The following ABHD17A variants were observed in gnomAD, a reference collection of about 807,000 sequenced individuals.
ABHD17A encodes abhydrolase domain containing 17A, depalmitoylase.
In ABHD17A, 10 loss-of-function variants were observed where a neutral mutation model predicts 26.8. That is an observed-to-expected ratio of 0.37 (90% CI 0.23 to 0.63). The LOEUF (loss-of-function observed/expected upper bound fraction) is 0.63, where lower values mean the gene tolerates loss of function less well. Among genes scored for constraint, ABHD17A ranks in the 30% least tolerant of loss-of-function variants. The pLI, the probability that ABHD17A is intolerant of heterozygous loss-of-function variation, is 0.61. For synonymous variants in ABHD17A, 167 were observed against 210.9 expected (o/e 0.79, Z 1.80); for missense variants, 292 against 457.3 (o/e 0.64, Z 3.30).
In ABHD17A at chr19:1,881,459, G is replaced by C. The variant is rs2012529289; in HGVS notation, c.108C>G (p.Ser36=). ...GCCCCGGCTCGGGCTCAGGCACCAG[G>C]GAGTAGGTGGCCTCCGGCGGCAGGA... The part of the protein sequence containing the change: ...LAFLPPEATY[S]LVPEPEPGPG... Residue 36 remains serine (S), a synonymous_variant, in exon 2 of 5, where the codon TCC becomes TCG. Transcript: ENST00000292577. The C allele has an allele frequency of 6.2e-7, 1 of 1,602,396 alleles. No individual in the cohort carries two copies. Among genetic ancestry groups the C allele is most frequent in the South Asian group, 1.1e-5 (1 of 90,698 alleles).
chr19:1,881,171 G>A (rs1189943601), intron 2 of ABHD17A, 64 bp downstream of exon 2: 44 of 1,596,232 alleles, frequency 2.8e-5, no homozygotes, highest in East Asian at 4.5e-5. Flanking sequence ...ACCAAGCACC[G>A]CAGGCAGAAA....
chr19:1,877,953 C>T, intron 3 of ABHD17A: 1 of 490,432 alleles, frequency 2.0e-6, no homozygotes, highest in Non-Finnish European at 3.6e-6. Context: ...GGGATCCTGC[C>T]TACGGAGTGC....
rs2012490433 is a variant in ABHD17A at position 1,880,415 on chromosome 19, C to T, written c.333-300G>A. Among the ~76,000 whole-genome samples, 1 of 152,186 alleles carries T rather than the reference C, an allele frequency of 6.6e-6. No homozygotes were observed. Among genetic ancestry groups the T allele is most frequent in the Admixed American group, 6.5e-5 (1 of 15,286 alleles). On this transcript the variant is annotated intron_variant, in intron 2 of 4. Transcript: ENST00000292577. This position sits in a 1 kb window ranked among gnomAD's most constrained non-coding sequence, Gnocchi z 4.1. ...CATCTGTGAAGCGGGACACTGGGAC[C>T]ATCGGTCGCATCCTCTCTCAGGGCA...
chr19:1,880,712 C>A lies in ABHD17A; in HGVS notation c.332+523G>T, dbSNP rs1238060859. Among the ~76,000 whole-genome samples the A allele has an allele frequency of 1.3e-5, 2 of 152,238 alleles. No individual in the cohort carries two copies. The highest frequency in any genetic ancestry group is 2.9e-5 in the Non-Finnish European group (2 of 68,040). ...CTCCTGGCCCACCACCCTGCCCAAG[C>A]CCCAAGGCTGTGCTGCAAGGCCTGT... On this transcript the variant is annotated intron_variant, in intron 2 of 4. Transcript: ENST00000292577. This position sits in a 1 kb window ranked among gnomAD's most constrained non-coding sequence, Gnocchi z 4.1.
At position 1,879,635 on chromosome 19, in the gene ABHD17A, C is replaced by G. The variant is rs2145390715; in HGVS notation, c.527+286G>C. 3.9e-6 allele frequency: 2 copies of G among 507,282 alleles called. No individual in the cohort carries two copies. Among genetic ancestry groups the G allele is most frequent in the South Asian group, 4.2e-5 (2 of 47,984 alleles). The allele number at this position is 507,282 out of a possible 1,614,324, so 31.4% of individuals were successfully genotyped here. Reference sequence around the variant, plus strand: ...TCCCTCCCGCCGGGTGGCATCCACACCCCTGTGACAAGCTCAGCCCCTTCC... The same window carrying G: ...TCCCTCCCGCCGGGTGGCATCCACAGCCCTGTGACAAGCTCAGCCCCTTCC... On this transcript the variant is annotated intron_variant, in intron 3 of 4. Transcript: ENST00000292577. This position sits in a 1 kb window ranked among gnomAD's most constrained non-coding sequence, Gnocchi z 7.6.
chr19:1,883,888 C>T (rs2012606784), intron 1 of ABHD17A: 1 of 152,874 alleles, frequency 6.5e-6, no homozygotes, highest in Non-Finnish European at 1.5e-5. Context: ...TCCCCACAGC[C>T]TGCCAGGTCC....
intron 1 of ABHD17A, among the ~76,000 whole-genome samples, 164 bp downstream of exon 1, chr19:1,885,188 C>T (rs1166088490): frequency 6.6e-6 from 1 of 152,130 alleles, no homozygotes; most frequent in Admixed American, 6.5e-5. Context: ...ATCACAGACG[C>T]TCATCCGCGG....
chr19:1,877,471 G>GCCCCGC (rs1342663851), intron 4 of ABHD17A, 37 bp downstream of exon 4: 4 of 1,575,122 alleles, frequency 2.5e-6, no homozygotes, highest in Non-Finnish European at 3.4e-6. Context: ...CCCGGCCCGG[G>GCCCCGC]CCCCGCCCCG....
intron 1 of ABHD17A, chr19:1,883,336 A>C (rs1342439019): frequency 1.3e-5 from 2 of 152,488 alleles, no homozygotes; most frequent in East Asian, 3.9e-4. Context: ...TGCAGTGCCC[A>C]GGACAGACCC....
chr19:1,876,877 T>C lies in ABHD17A; in HGVS notation c.*323A>G, dbSNP rs2012370237. 2 of 403,148 alleles carry C rather than the reference T, an allele frequency of 5.0e-6. No individual in the cohort carries two copies. The highest frequency in any genetic ancestry group is 9.1e-6 in the Non-Finnish European group (2 of 219,032). The allele number at this position is 403,148 out of a possible 1,614,324, so 25.0% of individuals were successfully genotyped here. A position where few individuals can be genotyped will look rare whatever the true frequency, so the allele number is the denominator to read the frequency against. On this transcript the variant is annotated 3_prime_UTR_variant, in exon 5 of 5. Coordinates refer to ENST00000292577, the MANE Select transcript of ABHD17A (RefSeq NM_001130111.2). ...TAAGGGGGTCCGTGCCGATCTCTCC[T>C]AGGGACTCAGGGACGAAACCTGGGA...
Position 1,881,824 on chromosome 19 carries a change from T to C in ABHD17A, c.-238-20A>G, listed in dbSNP as rs937984238. ...GAAGCCCTGCGGGGGAACAGTGACA[T>C]GTGGGGTCCTTTGGGGGTGCCACAG... is the stretch of plus-strand genomic sequence containing the variant. On this transcript the variant is annotated intron_variant, in intron 1 of 4. Transcript: ENST00000292577. 2.2e-6 allele frequency: 1 copy of C among 451,978 alleles called. No homozygotes were observed. The highest frequency in any genetic ancestry group is 3.8e-6 in the Non-Finnish European group (1 of 266,220). 28.0% of individuals were successfully genotyped at this position (451,978 alleles called of 1,614,324 possible). A position where few individuals can be genotyped will look rare whatever the true frequency, so the allele number is the denominator to read the frequency against.
rs764235356 is a variant in ABHD17A at position 1,880,026 on chromosome 19, T to C, written c.422A>G (p.Asn141Ser). 1.2e-6 allele frequency: 2 copies of C among 1,613,144 alleles called. No individual in the cohort carries two copies. Among genetic ancestry groups the C allele is most frequent in the Admixed American group, 1.7e-5 (1 of 60,012 alleles). The change falls in exon 3 of 5, where the codon AAC becomes AGC. Residue 141 changes from asparagine (N) to serine (S), a missense_variant. Physicochemically the swap from Asn to Ser is conservative, Grantham distance 46 (BLOSUM62 1). Around this residue, in one of 4 missense-constraint regions of ABHD17A, gnomAD observed 171 missense variants for 216.1 expected, o/e 0.79. Coordinates refer to ENST00000292577, the MANE Select transcript of ABHD17A (RefSeq NM_001130111.2). This position sits in a 1 kb window ranked among gnomAD's most constrained non-coding sequence, Gnocchi z 4.1. ...GCCGGAGTAGTCGTAGGAGAAGATGTTGCAGTGGAGGCGGGAGCCCAGGCC... is the reference window on the plus strand; with the variant it reads ...GCCGGAGTAGTCGTAGGAGAAGATGCTGCAGTGGAGGCGGGAGCCCAGGCC... ...YIGLGSRLHC[N>S]IFSYDYSGYG...
intron 1 of ABHD17A, among the ~76,000 whole-genome samples, chr19:1,884,801 T>G (rs551610096): frequency 6.6e-6 from 1 of 152,008 alleles, no homozygotes; most frequent in South Asian, 2.1e-4. Flanking sequence ...GAGTTTGCAC[T>G]TCATCCTGGG....
In ABHD17A at chr19:1,880,918, C is replaced by T. The variant is rs1315826171; in HGVS notation, c.332+317G>A. The T allele has an allele frequency of 8.1e-6, 13 of 1,612,948 alleles. No individual in the cohort carries two copies. The highest frequency in any genetic ancestry group is 1.3e-5 in the African/African-American group (1 of 74,926). ...CACCTGGCGAGAAGGTGGATGTACC[C>T]GCAGGCCAGGGCAGCCCCTGTGCCC... On this transcript the variant is annotated intron_variant, in intron 2 of 4. Transcript: ENST00000292577. This position sits in a 1 kb window ranked among gnomAD's most constrained non-coding sequence, Gnocchi z 4.1.
Position 1,877,429 on chromosome 19 carries a change from CG to C in ABHD17A, c.708-5del. On this transcript the variant is annotated splice_polypyrimidine_tract_variant and splice_region_variant and intron_variant, in intron 4 of 4. Coordinates refer to ENST00000292577, the MANE Select transcript of ABHD17A (RefSeq NM_001130111.2). ...GATCTTGGACACCTTCTCGATGCTG[CG>C]GGAGGGTCGTGGAGCCGGTGAGACT... The C allele has an allele frequency of 6.4e-7, 1 of 1,562,614 alleles. No individual in the cohort carries two copies. Among genetic ancestry groups the C allele is most frequent in the Admixed American group, 1.9e-5 (1 of 53,266 alleles).
At chr19:1,883,013 G>A (rs1465179919) in intron 1 of ABHD17A, 4 of 152,192 alleles carry the variant, frequency 2.6e-5, no homozygotes, top group Non-Finnish European at 5.9e-5. Context: ...GCAGCCTCAG[G>A]CCCAGAAACA....
At chr19:1,877,902 C>A (rs1030504381) in intron 3 of ABHD17A, 55 of 557,948 alleles carry the variant, frequency 9.9e-5, no homozygotes, top group Non-Finnish European at 1.4e-4. Context: ...GCCCCGTTCC[C>A]TGCGCTGCCG....
chr19:1,882,499 C>T (rs975165534), intron 1 of ABHD17A: 2 of 152,212 alleles, frequency 1.3e-5, no homozygotes, highest in African/African-American at 4.8e-5. Flanking sequence ...CTTCTCCACC[C>T]CTGACTTAGG....
intron 1 of ABHD17A, chr19:1,882,944 A>G (rs1418957704): frequency 6.6e-6 from 1 of 152,280 alleles, no homozygotes; most frequent in African/African-American, 2.4e-5. Context: ...ACAGATGGAC[A>G]TGCAGGCAGC....
Sources: allele counts gnomAD v4.1 joint callset (sites outside exome capture counted in the v4.1 genomes callset), GRCh38; gene constraint gnomAD v4.1.1; regional missense constraint gnomAD v4.1.1; non-coding constraint Gnocchi (gnomAD v3.1); transcripts MANE v1.5; gene names NCBI Gene and HGNC (gene_info 2026-07-23, HGNC 2026-07-21).